CACNA1I: variants seen among roughly 807,000 people sequenced by gnomAD.
The protein encoded by CACNA1I is voltage-dependent T-type calcium channel subunit alpha-1I.
In CACNA1I, 74 loss-of-function variants were observed where a neutral mutation model predicts 201.6. The ratio of observed to expected loss-of-function variants is 0.37; its 90% confidence interval spans 0.30 to 0.45. The LOEUF (loss-of-function observed/expected upper bound fraction) is 0.45. Ranked by LOEUF, CACNA1I falls within the 20% of genes least tolerant of loss-of-function variation. The pLI is 1.00. For missense variants in CACNA1I, 2,346 were observed against 3,138.1 expected, an observed-to-expected ratio of 0.75 and a Z score of 6.03; for synonymous variants, 1,431 against 1,345.2, an observed-to-expected ratio of 1.06 and a Z score of -1.40.
chr22:39,589,848 GC>G (rs1932801487), intron 1 of CACNA1I, among the ~76,000 whole-genome samples: 1 of 152,158 alleles, frequency 6.6e-6, no homozygotes, highest in East Asian at 1.9e-4. Context: ...GGAGCCCCCA[GC>G]CCCTTTTCTC....
chr22:39,649,980 C>A lies in CACNA1I; in HGVS notation c.1992+55C>A. 1.9e-6 allele frequency: 3 copies of A among 1,588,376 alleles called. No homozygotes were observed. The highest frequency in any genetic ancestry group is 3.3e-4 in the Middle Eastern group (2 of 5,998). On this transcript the variant is annotated intron_variant, in intron 10 of 36. Transcript: ENST00000402142. The surrounding 1 kb of genome is among the most constrained non-coding windows in gnomAD (Gnocchi z 7.3). ...CGGGAGAGGTGTGAGGGCCCCAGGA[C>A]CCTGCCCAGGCCTGGGCAGCCCCAT...
At chr22:39,651,130 C>G (rs979465608) in intron 10 of CACNA1I, among the ~76,000 whole-genome samples, 2 of 152,186 alleles carry the variant, frequency 1.3e-5, no homozygotes, top group Non-Finnish European at 2.9e-5. Context: ...AGCTGGTGAC[C>G]CTGAGGTCCA....
At chr22:39,643,320 G>T (rs1431923693) in intron 7 of CACNA1I, 1 of 161,280 alleles carries the variant, frequency 6.2e-6, no homozygotes, top group African/African-American at 2.4e-5. Context: ...GAGGTCGCCT[G>T]ATAGTGACCC....
rs1321862978 is a variant in CACNA1I at position 39,679,136 on chromosome 22, G to A, written c.5085G>A (p.Glu1695=). The A allele has an allele frequency of 6.3e-7, 1 of 1,594,896 alleles. No homozygotes were observed. Among genetic ancestry groups the A allele is most frequent in the East Asian group, 2.3e-5 (1 of 43,880 alleles). ...CGCTGCGGGACTGCACCCACGACGA[G>A]CGCAGCTGCCTGAGCAGCCTGCAGT... is the stretch of plus-strand genomic sequence containing the variant. The part of the protein sequence containing the change: ...KDTLRDCTHD[E]RSCLSSLQFV... The change falls in exon 32 of 37, where the codon GAG becomes GAA. Residue 1695 remains glutamate, a synonymous_variant. Transcript: ENST00000402142.
chr22:39,670,596 C>A (rs1288410827), intron 25 of CACNA1I, among the ~76,000 whole-genome samples: 1 of 152,204 alleles, frequency 6.6e-6, no homozygotes, highest in Non-Finnish European at 1.5e-5. Flanking sequence ...AATGTCCTGC[C>A]TTCTTTGTCA....
In CACNA1I at chr22:39,665,713, A is replaced by G. The variant is rs1935167825; in HGVS notation, c.3978+89A>G. On this transcript the variant is annotated intron_variant, in intron 22 of 36. Transcript: ENST00000402142. This position sits in a 1 kb window ranked among gnomAD's most constrained non-coding sequence, Gnocchi z 5.5. ...AGCCAGGGGAGAGACTCCACATTCC[A>G]ACCTCATGCGCCTTGCCAGCTGTGG... 1 of 1,562,890 alleles carries G rather than the reference A, an allele frequency of 6.4e-7. No individual in the cohort carries two copies. The highest frequency in any genetic ancestry group is 1.4e-5 in the African/African-American group (1 of 73,912).
In CACNA1I at chr22:39,680,941, T is replaced by C; in HGVS notation, c.5553T>C (p.Ala1851=). 1 of 1,610,640 alleles carries C rather than the reference T, an allele frequency of 6.2e-7. No individual in the cohort carries two copies. The highest frequency in any genetic ancestry group is 8.5e-7 in the Non-Finnish European group (1 of 1,179,194). ...CCCTCTTCCTGCAGGTGCAGCTGGC[T>C]GAGACGGAGGCCTTCTCCCTGAACT... The part of the protein sequence containing the change: ...CHHDKQEVQL[A]ETEAFSLNSD... Residue 1851 remains alanine, a synonymous_variant, in exon 34 of 37, where the codon GCT becomes GCC. Transcript: ENST00000402142.
At chr22:39,655,299 C>G (rs1948062662) in intron 10 of CACNA1I, among the ~76,000 whole-genome samples, 1 of 152,150 alleles carries the variant, frequency 6.6e-6, no homozygotes. Context: ...CCTTATCTAC[C>G]CCTACAGAAA....
At chr22:39,578,858 G>C (rs1470789624) in intron 1 of CACNA1I, among the ~76,000 whole-genome samples, 1 of 152,172 alleles carries the variant, frequency 6.6e-6, no homozygotes, top group African/African-American at 2.4e-5. Flanking sequence ...CCAGCCAGCT[G>C]CTGAGGCTTC....
At chr22:39,584,365 C>T (rs974528814) in intron 1 of CACNA1I, among the ~76,000 whole-genome samples, 1 of 152,074 alleles carries the variant, frequency 6.6e-6, no homozygotes, top group African/African-American at 2.4e-5. Flanking sequence ...ATTTAGTGGT[C>T]TGGGAAGAAT....
intron 1 of CACNA1I, among the ~76,000 whole-genome samples, chr22:39,592,676 C>T (rs904489479): frequency 6.6e-6 from 1 of 152,224 alleles, no homozygotes; most frequent in Non-Finnish European, 1.5e-5. Flanking sequence ...AGCCCTGCCC[C>T]CTCTGTCACC....
chr22:39,636,543 C>T (rs1350143536), intron 5 of CACNA1I, among the ~76,000 whole-genome samples: 3 of 152,172 alleles, frequency 2.0e-5, no homozygotes, highest in Non-Finnish European at 2.9e-5. Context: ...GTAAAGTTCA[C>T]GCACGTCTGG....
chr22:39,670,762 A>T (rs1283574148), intron 25 of CACNA1I, 41 bp from the exon 26 acceptor site: 1 of 1,608,594 alleles, frequency 6.2e-7, no homozygotes, highest in Admixed American at 1.7e-5. Flanking sequence ...CTTGACCCCA[A>T]CCCTCTGTGG....
chr22:39,672,878 C>CA, intron 27 of CACNA1I, 71 bp from the exon 28 acceptor site: 1 of 1,508,004 alleles, frequency 6.6e-7, no homozygotes, highest in East Asian at 2.3e-5. Context: ...AGGCTCCCCC[C>CA]ACTAAGGTGT....
At position 39,664,055 on chromosome 22, in the gene CACNA1I, A is replaced by T. The variant is rs113583890; in HGVS notation, c.3598-36A>T. The T allele has an allele frequency of 3.1e-4, 498 of 1,595,310 alleles. No individual in the cohort carries two copies. In the Middle Eastern group the frequency reaches 6.1e-3, roughly 20 times the overall value. On this transcript the variant is annotated intron_variant, in intron 19 of 36. Coordinates refer to ENST00000402142, the MANE Select transcript of CACNA1I (RefSeq NM_021096.4). ...TGGCCAGTGGCCGGGCAGCTCTGGG[A>T]GCCCCTGAGCCTATGGTATCTCCCG...
Position 39,662,231 on chromosome 22 carries a change from G to A in CACNA1I, c.3168G>A (p.Thr1056=), listed in dbSNP as rs1327078746. Residue 1056 remains threonine, a synonymous_variant, in exon 17 of 37, where the codon ACG becomes ACA. Transcript: ENST00000402142. ...ACCGCCACCGCCACCACCGCCGGAC[G>A]CTGTCCCTCGACAACAGGGACTCGG... ...LAHRHRHHRR[T]LSLDNRDSVD... 1.3e-6 allele frequency: 2 copies of A among 1,528,546 alleles called. No individual in the cohort carries two copies. The highest frequency in any genetic ancestry group is 8.8e-7 in the Non-Finnish European group (1 of 1,142,012). The allele number at this position is 1,528,546 out of a possible 1,614,324, so 94.7% of individuals were successfully genotyped here.
intron 33 of CACNA1I, among the ~76,000 whole-genome samples, chr22:39,680,350 C>T (rs1236482644): frequency 6.6e-6 from 1 of 152,200 alleles, no homozygotes; most frequent in East Asian, 1.9e-4. Flanking sequence ...TTAGCCCCCT[C>T]CCCTCTCCCC....
chr22:39,594,760 T>A (rs1932860579), intron 1 of CACNA1I, among the ~76,000 whole-genome samples: 1 of 151,986 alleles, frequency 6.6e-6, no homozygotes, highest in Non-Finnish European at 1.5e-5. Flanking sequence ...GTGAGGGGTT[T>A]GCTTGGAGAC....
chr22:39,574,746 C>T (rs1330949348), intron 1 of CACNA1I, among the ~76,000 whole-genome samples: 1 of 152,240 alleles, frequency 6.6e-6, no homozygotes, highest in Admixed American at 6.5e-5. Flanking sequence ...GACTCTTTCC[C>T]CCACTGAGAA....
Sources: gnomAD v4.1 joint callset for allele counts (sites outside exome capture counted in the v4.1 genomes callset) on GRCh38, gnomAD v4.1.1 for gene constraint, Gnocchi (gnomAD v3.1) non-coding constraint, MANE v1.5 for transcripts, NCBI Gene and HGNC (gene_info 2026-07-23, HGNC 2026-07-21) for gene names.